The following COL25A1 variants were observed in gnomAD, a reference collection of about 807,000 sequenced individuals.
The protein encoded by COL25A1 is collagen type XXV alpha 1 chain.
In COL25A1, 103 loss-of-function variants were observed where a neutral mutation model predicts 128.4. That is an observed-to-expected ratio of 0.80 (90% CI 0.68 to 0.94). COL25A1 has a LOEUF of 0.94. Ranked by LOEUF, COL25A1 falls within the 40% of genes least tolerant of loss-of-function variation. The pLI, the probability that COL25A1 is intolerant of heterozygous loss-of-function variation, is 0.00. For synonymous variants in COL25A1, 279 were observed against 277.2 expected (o/e 1.01, Z -0.06); for missense variants, 745 against 840.0 (o/e 0.89, Z 1.40).
chr4:109,116,850 C>T (rs1398218748), intron 3 of COL25A1, among the ~76,000 whole-genome samples: 1 of 151,896 alleles, frequency 6.6e-6, no homozygotes, highest in African/African-American at 2.4e-5. Context: ...ATTTAAAACA[C>T]TGTAACACAA....
intron 5 of COL25A1, among the ~76,000 whole-genome samples, chr4:109,019,359 C>T (rs1469150624): frequency 3.5e-5 from 1 of 28,842 alleles, no homozygotes; most frequent in African/African-American, 1.7e-4. Flanking sequence ...TACACACACA[C>T]ACACACACAC....
rs903920665 is a variant in COL25A1 at position 108,852,391 on chromosome 4, C to T, written c.1345-111G>A. 14 of 796,416 alleles carry T rather than the reference C, an allele frequency of 1.8e-5. No individual in the cohort carries two copies. The Admixed American group carries it at 2.7e-4, about 15-fold the overall frequency. The allele number at this position is 796,416 out of a possible 1,614,324, so 49.3% of individuals were successfully genotyped here. On this transcript the variant is annotated intron_variant, in intron 25 of 37. Coordinates refer to ENST00000399132, the MANE Select transcript of COL25A1 (RefSeq NM_198721.4). ...CTTATTTCTATCGTAATCAGATCTC[C>T]CCAAATATAAATTTGCAATGAGGAA...
chr4:109,265,518 CGT>C (rs57643656), intron 3 of COL25A1, among the ~76,000 whole-genome samples: 16,446 of 129,322 alleles, frequency 0.13, 955 homozygotes, highest in East Asian at 0.2. Flanking sequence ...AATAACAGTA[CGT>C]GTGTGTGTGT....
chr4:109,196,156 T>C (rs1477131446), intron 3 of COL25A1, among the ~76,000 whole-genome samples: 3 of 152,180 alleles, frequency 2.0e-5, no homozygotes, highest in Non-Finnish European at 4.4e-5. Context: ...ATAAAGATAA[T>C]GTACATCCAT....
intron 5 of COL25A1, among the ~76,000 whole-genome samples, chr4:109,023,030 C>T (rs1757917689): frequency 6.6e-6 from 1 of 152,192 alleles, no homozygotes; most frequent in Non-Finnish European, 1.5e-5. Context: ...TGGATATCAG[C>T]ATTGTTTGAA....
intron 3 of COL25A1, among the ~76,000 whole-genome samples, chr4:109,208,343 A>G (rs1290060604): frequency 6.6e-6 from 1 of 152,112 alleles, no homozygotes; most frequent in Non-Finnish European, 1.5e-5. Context: ...CATCCATTCA[A>G]CAAACATACA....
At chr4:108,860,583 A>T (rs541808727) in intron 23 of COL25A1, among the ~76,000 whole-genome samples, 35 of 151,454 alleles carry the variant, frequency 2.3e-4, no homozygotes, top group East Asian at 5.8e-4. Context: ...CTTTTTTTTT[A>T]AAAAAAGACA....
At chr4:109,115,862 C>G (rs1358725472) in intron 3 of COL25A1, among the ~76,000 whole-genome samples, 1 of 151,924 alleles carries the variant, frequency 6.6e-6, no homozygotes, top group African/African-American at 2.4e-5. Flanking sequence ...GATGACATCT[C>G]AATACTGCAC....
At chr4:108,964,466 T>C (rs766056239) in intron 8 of COL25A1, among the ~76,000 whole-genome samples, 4 of 152,064 alleles carry the variant, frequency 2.6e-5, no homozygotes, top group Non-Finnish European at 5.9e-5. Context: ...ATTTATTCAG[T>C]AGGGATAGAT....
rs200927290 is a variant in COL25A1 at position 108,863,324 on chromosome 4, G to A, written c.1147C>T (p.Pro383Ser). 9.9e-6 allele frequency: 16 copies of A among 1,613,420 alleles called. No individual in the cohort carries two copies. The Admixed American group carries it at 1.3e-4, about 13-fold the overall frequency. ...CCAGTTTAAGAATAACTCACCTTTG[G>A]TCCGGGGGCTCCAGGTTCCCCTCGC... ...GERGEPGAPG[P>S]KGKQGESGTR... The change falls in exon 21 of 38, where the codon CCA becomes TCA. Residue 383 changes from proline to serine, a missense_variant. This residue lies in a region of COL25A1 where 387 missense variants were observed against 441.9 expected (regional missense o/e 0.88). Coordinates refer to ENST00000399132, the MANE Select transcript of COL25A1 (RefSeq NM_198721.4).
At chr4:109,275,008 T>C (rs1424790753) in intron 3 of COL25A1, among the ~76,000 whole-genome samples, 4 of 152,230 alleles carry the variant, frequency 2.6e-5, no homozygotes, top group East Asian at 1.9e-4. Context: ...AATTAGTTTT[T>C]ACACAGAAGG....
intron 3 of COL25A1, among the ~76,000 whole-genome samples, chr4:109,205,743 A>T (rs986515935): frequency 6.6e-6 from 1 of 152,162 alleles, no homozygotes. Context: ...AGTTTCACCT[A>T]ACACTTTCCT....
At chr4:109,289,572 A>C (rs1011406366) in intron 3 of COL25A1, among the ~76,000 whole-genome samples, 4 of 152,084 alleles carry the variant, frequency 2.6e-5, no homozygotes, top group Non-Finnish European at 5.9e-5. Context: ...ATCACCCAGG[A>C]AAGGTCTAGA....
chr4:109,016,736 T>A (rs2126057040), intron 5 of COL25A1, among the ~76,000 whole-genome samples: 1 of 152,220 alleles, frequency 6.6e-6, no homozygotes, highest in East Asian at 1.9e-4. Context: ...GGGTCTCCTA[T>A]CTGCTGAGAG....
At chr4:108,942,601 G>A (rs1454083243) in intron 8 of COL25A1, among the ~76,000 whole-genome samples, 3 of 151,774 alleles carry the variant, frequency 2.0e-5, no homozygotes, top group East Asian at 1.9e-4. Flanking sequence ...GTGCCACCAC[G>A]CCCAGCTAAG....
chr4:108,896,642 C>A, intron 16 of COL25A1, 25 bp downstream of exon 16: 1 of 1,608,474 alleles, frequency 6.2e-7, no homozygotes, highest in Non-Finnish European at 8.5e-7. Context: ...ACATATGTAC[C>A]CTTTCATGTC....
At chr4:109,200,606 A>G (rs1363349849) in intron 3 of COL25A1, among the ~76,000 whole-genome samples, 1 of 152,002 alleles carries the variant, frequency 6.6e-6, no homozygotes, top group African/African-American at 2.4e-5. Context: ...GTGCACCACC[A>G]TGCCCTGCTG....
At chr4:109,248,161 C>T (rs72672615) in intron 3 of COL25A1, among the ~76,000 whole-genome samples, 176 of 151,838 alleles carry the variant, frequency 1.2e-3, no homozygotes, top group African/African-American at 4.1e-3. Flanking sequence ...TGTATTGCTA[C>T]GATTATAACT....
intron 6 of COL25A1, among the ~76,000 whole-genome samples, chr4:109,009,881 T>C (rs1409913769): frequency 6.6e-6 from 1 of 152,250 alleles, no homozygotes. Context: ...ACCGCATTCA[T>C]GCTTAATTAT....
Sources: gnomAD v4.1 joint callset for allele counts (sites outside exome capture counted in the v4.1 genomes callset) on GRCh38, gnomAD v4.1.1 for gene constraint, gnomAD v4.1.1 regional missense constraint, MANE v1.5 for transcripts, NCBI Gene and HGNC (gene_info 2026-07-23, HGNC 2026-07-21) for gene names.